Variants in SV2C observed in about 807,000 individuals in gnomAD.
SV2C encodes the protein synaptic vesicle glycoprotein 2C.
A neutral mutation model predicts 79.7 loss-of-function variants in SV2C; 49 were observed. That is an observed-to-expected ratio of 0.61 (90% CI 0.49 to 0.78). SV2C has a LOEUF of 0.78. Among genes scored for constraint, SV2C ranks in the 30% least tolerant of loss-of-function variants. SV2C has a pLI of 0.00. For missense variants in SV2C, 833 were observed against 912.9 expected, an observed-to-expected ratio of 0.91 and a Z score of 1.13; for synonymous variants, 334 against 333.2, an observed-to-expected ratio of 1.00 and a Z score of -0.03.
the SV2C span, among the ~76,000 whole-genome samples, chr5:75,899,952 A>G: frequency 1.5e-3 from 232 of 152,158 alleles, no homozygotes; most frequent in Non-Finnish European, 2.7e-3. Context: ...TTTTGAGCCT[A>G]TGTGTGTCTC....
At chr5:76,312,533 A>G (rs548188828) in intron 12 of SV2C, among the ~76,000 whole-genome samples, 224 of 152,240 alleles carry the variant, frequency 1.5e-3, no homozygotes, top group African/African-American at 5.0e-3. Flanking sequence ...GATTACAGAC[A>G]TGAGCCAGCG....
At chr5:75,986,002 GT>G in the SV2C span, among the ~76,000 whole-genome samples, 2 of 150,742 alleles carry the variant, frequency 1.3e-5, no homozygotes, top group African/African-American at 4.9e-5. Context: ...TATTCTCACT[GT>G]TTTTGAATTG....
intron 8 of SV2C, among the ~76,000 whole-genome samples, chr5:76,295,392 A>C (rs1747716257): frequency 6.6e-6 from 1 of 152,180 alleles, no homozygotes; most frequent in African/African-American, 2.4e-5. Context: ...CTCATAACTT[A>C]ATCACCTCCT....
At chr5:76,065,901 C>T in the SV2C span, among the ~76,000 whole-genome samples, 1 of 152,120 alleles carries the variant, frequency 6.6e-6, no homozygotes, top group Non-Finnish European at 1.5e-5. Context: ...AGGATAGACT[C>T]CGGAAGGGGG....
chr5:76,250,831 C>CGTT (rs1358918708), intron 4 of SV2C, among the ~76,000 whole-genome samples: 2 of 152,018 alleles, frequency 1.3e-5, no homozygotes, highest in Non-Finnish European at 2.9e-5. Context: ...TCTCAATGGA[C>CGTT]GTTTTTTTTT....
intron 1 of SV2C, among the ~76,000 whole-genome samples, chr5:76,102,692 T>C (rs1263845826): frequency 6.6e-6 from 1 of 152,198 alleles, no homozygotes; most frequent in African/African-American, 2.4e-5. Context: ...GTTCTGCCCA[T>C]ATACCAAGGG....
At chr5:76,152,451 G>A (rs1224011144) in intron 2 of SV2C, among the ~76,000 whole-genome samples, 1 of 152,178 alleles carries the variant, frequency 6.6e-6, no homozygotes, top group African/African-American at 2.4e-5. Context: ...GTATATATAG[G>A]AGATACGTTG....
intron 4 of SV2C, among the ~76,000 whole-genome samples, chr5:76,259,109 G>T (rs1339149205): frequency 2.0e-5 from 3 of 152,182 alleles, no homozygotes; most frequent in African/African-American, 4.8e-5. Flanking sequence ...GTTGGGGAAA[G>T]AATTAATTTT....
At chr5:76,003,249 C>T in the SV2C span, among the ~76,000 whole-genome samples, 3 of 152,122 alleles carry the variant, frequency 2.0e-5, no homozygotes, top group African/African-American at 7.2e-5. Context: ...TACCCAGTCT[C>T]TGGTATGTCC....
chr5:76,200,735 G>T (rs1344414114), intron 3 of SV2C, among the ~76,000 whole-genome samples: 1 of 152,128 alleles, frequency 6.6e-6, no homozygotes, highest in East Asian at 1.9e-4. Context: ...GACCTCCTGG[G>T]CTCAAGTGAT....
the SV2C span, among the ~76,000 whole-genome samples, chr5:75,930,132 TC>T: frequency 6.6e-6 from 1 of 151,946 alleles, no homozygotes; most frequent in Non-Finnish European, 1.5e-5. Context: ...TCCCCTCCCC[TC>T]CCTAACCCTT....
intron 2 of SV2C, among the ~76,000 whole-genome samples, chr5:76,146,788 GTTT>G (rs143502248): frequency 0.015 from 701 of 47,406 alleles, 25 homozygotes; most frequent in African/African-American, 0.028. Flanking sequence ...AAAGGAATGA[GTTT>G]TTTTTTAAAA....
chr5:76,270,840 C>T (rs1229243771), intron 4 of SV2C, among the ~76,000 whole-genome samples: 1 of 151,888 alleles, frequency 6.6e-6, no homozygotes, highest in Non-Finnish European at 1.5e-5. Flanking sequence ...GCGATCTCAG[C>T]TCACTGCAGT....
At chr5:76,171,608 T>C (rs1472311151) in intron 2 of SV2C, among the ~76,000 whole-genome samples, 5 of 104,880 alleles carry the variant, frequency 4.8e-5, no homozygotes, top group Non-Finnish European at 1.1e-4. Context: ...AGGAGAGAGG[T>C]GGGGGGGGGG....
At chr5:76,274,155 C>T (rs550597496) in intron 4 of SV2C, among the ~76,000 whole-genome samples, 30 of 152,222 alleles carry the variant, frequency 2.0e-4, no homozygotes, top group African/African-American at 6.7e-4. Flanking sequence ...TAATTTGATT[C>T]TTTCTCCTCT....
At chr5:76,247,416 C>A (rs1255843781) in intron 4 of SV2C, among the ~76,000 whole-genome samples, 1 of 152,250 alleles carries the variant, frequency 6.6e-6, no homozygotes, top group Admixed American at 6.5e-5. Context: ...TTAAAACCAA[C>A]TTTCCCTTTC....
At chr5:76,308,689 G>T (rs1748297054) in intron 12 of SV2C, among the ~76,000 whole-genome samples, 1 of 151,654 alleles carries the variant, frequency 6.6e-6, no homozygotes, top group African/African-American at 2.4e-5. Context: ...GATCTATGGA[G>T]CAGAAGGCAA....
At chr5:76,277,193 G>A (rs1473654954) in intron 4 of SV2C, among the ~76,000 whole-genome samples, 2 of 152,228 alleles carry the variant, frequency 1.3e-5, no homozygotes, top group Admixed American at 1.3e-4. Context: ...TGGTTTGGCA[G>A]TCTGCTGTAA....
intron 1 of SV2C, among the ~76,000 whole-genome samples, chr5:76,105,653 A>T (rs1747885182): frequency 6.6e-6 from 1 of 152,042 alleles, no homozygotes; most frequent in Non-Finnish European, 1.5e-5. Context: ...CCTTTTTGTG[A>T]CCTTGCTAAC....
Sources: allele counts gnomAD v4.1 joint callset (sites outside exome capture counted in the v4.1 genomes callset), GRCh38; gene constraint gnomAD v4.1.1; transcripts MANE v1.5; gene names NCBI Gene and HGNC (gene_info 2026-07-23, HGNC 2026-07-21).